Variants in HMBOX1 observed in about 807,000 individuals in gnomAD.
The protein encoded by HMBOX1 is homeobox-containing protein 1.
In HMBOX1, 14 loss-of-function variants were observed where a neutral mutation model predicts 54.5. The ratio of observed to expected loss-of-function variants is 0.26; its 90% CI spans 0.17 to 0.40. The LOEUF is 0.40. HMBOX1 is among the 10% of genes least tolerant of loss of function. The pLI is 1.00. For synonymous variants in HMBOX1, 160 were observed against 181.0 expected, an observed-to-expected ratio of 0.88 and a Z score of 0.93; for missense variants, 332 against 514.4, an observed-to-expected ratio of 0.65 and a Z score of 3.43.
chr8:28,892,269 TTC>T (rs1172254262), intron 1 of HMBOX1, among the ~76,000 whole-genome samples: 1 of 152,244 alleles, frequency 6.6e-6, no homozygotes, highest in African/African-American at 2.4e-5. Context: ...TGAATTATGT[TTC>T]TAAGTCAAAG....
rs958653202 is a variant in HMBOX1, at chr8:29,010,871, A to G, written c.697+1689A>G. On this transcript the variant is annotated intron_variant, in intron 5 of 9. Transcript: ENST00000287701. The stretch of plus-strand genomic sequence containing the variant: ...ACCCAAACTTTTTTCTTTTAATGAC[A>G]TGAACTTCTTAAGCCATGTAATTTG... Among the ~76,000 whole-genome samples, 12 of 152,272 alleles carry G rather than the reference A, an allele frequency of 7.9e-5. No individual in the cohort carries two copies. The East Asian group carries it at 1.7e-3, about 22-fold the overall frequency.
At chr8:28,978,392 C>T (rs1261436063) in intron 3 of HMBOX1, among the ~76,000 whole-genome samples, 2 of 152,124 alleles carry the variant, frequency 1.3e-5, no homozygotes, top group East Asian at 1.9e-4. Flanking sequence ...TTTTGTGATC[C>T]TTTGTCTCAG....
rs560170398 is a variant in HMBOX1, at chr8:28,911,617, A to G, written c.-58+20939A>G. Among the ~76,000 whole-genome samples the G allele has an allele frequency of 3.3e-4, 50 of 152,174 alleles. No individual in the cohort carries two copies. The South Asian group carries it at 1.0e-2, about 30-fold the overall frequency. On this transcript the variant is annotated intron_variant, in intron 1 of 9. Coordinates refer to ENST00000287701, the MANE Select transcript of HMBOX1 (RefSeq NM_001135726.3). The stretch of plus-strand genomic sequence containing the variant: ...ATGATCCACCCACCTCGGCCTCCCA[A>G]AATGCTGGGATTATAGGCGTGAGCC...
intron 1 of HMBOX1, among the ~76,000 whole-genome samples, chr8:28,948,111 T>C (rs1484348976): frequency 2.0e-5 from 3 of 152,170 alleles, no homozygotes; most frequent in South Asian, 2.1e-4. Flanking sequence ...TTTAAATCTT[T>C]ATTAAGATTT....
intron 3 of HMBOX1, among the ~76,000 whole-genome samples, chr8:28,972,298 C>T (rs147532940): frequency 1.3e-5 from 2 of 152,186 alleles, no homozygotes; most frequent in African/African-American, 4.8e-5. Context: ...CTGCAACCTC[C>T]GCCTCCTGGG....
intron 1 of HMBOX1, among the ~76,000 whole-genome samples, chr8:28,920,760 A>G (rs1817413078): frequency 6.6e-6 from 1 of 152,164 alleles, no homozygotes; most frequent in Admixed American, 6.5e-5. Context: ...TTTAGAGGAG[A>G]GTGTCAGAAA....
intron 1 of HMBOX1, among the ~76,000 whole-genome samples, chr8:28,945,737 C>T (rs1294256671): frequency 6.6e-6 from 1 of 151,776 alleles, no homozygotes; most frequent in African/African-American, 2.4e-5. Flanking sequence ...TGGGATATGA[C>T]ACAACATAAA....
rs180929040 is a variant in HMBOX1, at chr8:28,901,936, G to T, written c.-58+11258G>T. 1.2e-4 allele frequency among the ~76,000 whole-genome samples: 19 copies of T among 152,262 alleles called. No homozygotes were observed. The East Asian group carries it at 3.7e-3, about 29-fold the overall frequency. On this transcript the variant is annotated intron_variant, in intron 1 of 9. Coordinates refer to ENST00000287701, the MANE Select transcript of HMBOX1 (RefSeq NM_001135726.3). Reference sequence around the variant, plus strand: ...GTTAAAACCTTATACTTAAAACCCAGTTAAATCCTTCTGTCTGAAGAGACA... The same window carrying T: ...GTTAAAACCTTATACTTAAAACCCATTTAAATCCTTCTGTCTGAAGAGACA...
At chr8:28,952,288 C>T (rs1000340526) in intron 1 of HMBOX1, among the ~76,000 whole-genome samples, 3 of 152,194 alleles carry the variant, frequency 2.0e-5, no homozygotes, top group Middle Eastern at 6.8e-3. Flanking sequence ...CGCTGGAGTG[C>T]AGTGGCATGA....
chr8:28,939,877 G>C (rs1821062361), intron 1 of HMBOX1, among the ~76,000 whole-genome samples: 1 of 152,156 alleles, frequency 6.6e-6, no homozygotes, highest in African/African-American at 2.4e-5. Context: ...GGATCAGGCA[G>C]TGTCAAACAG....
intron 6 of HMBOX1, among the ~76,000 whole-genome samples, chr8:29,023,577 A>G (rs1801539858): frequency 6.6e-6 from 1 of 151,870 alleles, no homozygotes; most frequent in South Asian, 2.1e-4. Flanking sequence ...TAATTTTTAT[A>G]TTTTTGTAGA....
chr8:28,948,839 C>G, intron 1 of HMBOX1, among the ~76,000 whole-genome samples: 1 of 151,822 alleles, frequency 6.6e-6, no homozygotes, highest in African/African-American at 2.4e-5. Context: ...ATAATATTTC[C>G]TTTATTAAGG....
intron 3 of HMBOX1, among the ~76,000 whole-genome samples, chr8:28,973,803 G>GTTTGTTTTTTTTT: frequency 1.4e-5 from 1 of 72,618 alleles, no homozygotes; most frequent in Admixed American, 1.8e-4. Context: ...ACATAATGGA[G>GTTTGTTTTTTTTT]TTTTTTTTTT....
rs146433919 is a variant in HMBOX1, at chr8:29,051,759, C to G, written c.*604C>G. The G allele has an allele frequency of 1.0e-5, 6 of 582,258 alleles. No individual in the cohort carries two copies. The South Asian group carries it at 1.1e-4, about 10-fold the overall frequency. 36.1% of individuals were successfully genotyped at this position (582,258 alleles called of 1,614,324 possible). Reference sequence around the variant, plus strand: ...TGCTAAGAATGTCAATGGAAAAAGCCGATCTCAGATTTTGTTTGAAGTTAA... The same window carrying G: ...TGCTAAGAATGTCAATGGAAAAAGCGGATCTCAGATTTTGTTTGAAGTTAA... On this transcript the variant is annotated 3_prime_UTR_variant, in exon 10 of 10. Transcript: ENST00000287701.
chr8:28,919,636 A>T (rs918949518), intron 1 of HMBOX1, among the ~76,000 whole-genome samples: 5 of 152,196 alleles, frequency 3.3e-5, no homozygotes, highest in Admixed American at 3.3e-4. Flanking sequence ...TGGAGGGCCA[A>T]CTGTATAGGC....
rs577281603 is a variant in HMBOX1 at position 28,956,517 on chromosome 8, TG to T, written c.-57-7293del. Among the ~76,000 whole-genome samples, 730 of 152,218 alleles carry T rather than the reference TG, an allele frequency of 4.8e-3. 6 individuals are homozygous for T. The highest frequency in any genetic ancestry group is 0.015 in the African/African-American group (621 of 41,564). Reference sequence around the variant, plus strand: ...ATATAATGTAAGATAAAAATGCAATTGTTTTTTTTGCTAGATGATAACCAGT... The same window carrying T: ...ATATAATGTAAGATAAAAATGCAATTTTTTTTTTGCTAGATGATAACCAGT... On this transcript the variant is annotated intron_variant, in intron 1 of 9. Transcript: ENST00000287701.
intron 5 of HMBOX1, among the ~76,000 whole-genome samples, chr8:29,013,877 A>G (rs1044565324): frequency 3.3e-5 from 5 of 152,216 alleles, no homozygotes; most frequent in Non-Finnish European, 7.3e-5. Flanking sequence ...CATGTGGTGC[A>G]TATTCTGCAT....
chr8:29,051,599 C>A lies in HMBOX1; in HGVS notation c.*444C>A, dbSNP rs1189453730. On this transcript the variant is annotated 3_prime_UTR_variant, in exon 10 of 10. Coordinates refer to ENST00000287701, the MANE Select transcript of HMBOX1 (RefSeq NM_001135726.3). ...GTCGTGGCACAGGAATGACAGACACCATTTGGGGAGTATCCACAGAGTCAA... is the reference window on the plus strand; with the variant it reads ...GTCGTGGCACAGGAATGACAGACACAATTTGGGGAGTATCCACAGAGTCAA... 2 of 702,928 alleles carry A rather than the reference C, an allele frequency of 2.8e-6. No individual in the cohort carries two copies. The highest frequency in any genetic ancestry group is 5.2e-6 in the Non-Finnish European group (2 of 384,988). The allele number at this position is 702,928 out of a possible 1,614,324, so 43.5% of individuals were successfully genotyped here.
chr8:29,049,546 T>A, intron 9 of HMBOX1: 1 of 1,186,576 alleles, frequency 8.4e-7, no homozygotes, highest in Admixed American at 2.9e-5. Flanking sequence ...CCCAAAGGAG[T>A]GGTTCTTCCA....
Sources: allele counts gnomAD v4.1 joint callset (sites outside exome capture counted in the v4.1 genomes callset), GRCh38; gene constraint gnomAD v4.1.1; transcripts MANE v1.5; gene names NCBI Gene and HGNC (gene_info 2026-07-23, HGNC 2026-07-21).